Variants in KLF8 observed in about 807,000 individuals in gnomAD.
KLF8 encodes the protein KLF transcription factor 8, also known as Krueppel-like factor 8.
KLF8 carries 10 observed loss-of-function variants against 18.2 expected under a neutral mutation model. The observed-to-expected ratio is 0.55, with a 90% CI of 0.34 to 0.93. The LOEUF is 0.93. Ranked by LOEUF, KLF8 falls within the 40% of genes least tolerant of loss-of-function variation. The probability of loss-of-function intolerance (pLI) is 0.02; values close to 1 mark genes in which losing one functional copy is unlikely to be tolerated. For missense variants in KLF8, 264 were observed against 277.9 expected, an observed-to-expected ratio of 0.95 and a Z score of 0.36; for synonymous variants, 109 against 97.3, an observed-to-expected ratio of 1.12 and a Z score of -0.71.
At chrX:56,157,222 C>A in the KLF8 span, among the ~76,000 whole-genome samples, 1 of 89,741 alleles carries the variant, frequency 1.1e-5, no homozygotes, top group Non-Finnish European at 2.2e-5. Context: ...ACATCACACA[C>A]CGGGGCCTGT....
chrX:56,222,893 G>T, the KLF8 span, among the ~76,000 whole-genome samples: 1 of 112,952 alleles, frequency 8.9e-6, no homozygotes, highest in Non-Finnish European at 1.9e-5. Context: ...TAGCTGGCCC[G>T]CAAGCGCCGT....
At chrX:56,141,808 C>G in the KLF8 span, among the ~76,000 whole-genome samples, 2 of 111,813 alleles carry the variant, frequency 1.8e-5, no homozygotes, top group South Asian at 7.5e-4. Context: ...TCACTACCAC[C>G]TGGTGATGAT....
the KLF8 span, among the ~76,000 whole-genome samples, chrX:56,133,955 C>A: frequency 3.6e-5 from 4 of 110,158 alleles, no homozygotes; most frequent in South Asian, 1.1e-3. Flanking sequence ...ATATACCTAA[C>A]CAAGGAGGTG....
chrX:55,977,218 C>A, the KLF8 span, among the ~76,000 whole-genome samples: 1 of 111,743 alleles, frequency 8.9e-6, no homozygotes, highest in East Asian at 2.8e-4. Flanking sequence ...AAAAAGTCTT[C>A]AGCTTTTCAC....
chrX:56,081,941 G>T, the KLF8 span, among the ~76,000 whole-genome samples: 1 of 111,424 alleles, frequency 9.0e-6, no homozygotes, highest in Non-Finnish European at 1.9e-5. Context: ...ATCTTATTTT[G>T]ATTTGAGGGT....
chrX:56,009,755 GA>G, the KLF8 span, among the ~76,000 whole-genome samples: 1 of 112,295 alleles, frequency 8.9e-6, no homozygotes, highest in Non-Finnish European at 1.9e-5. Context: ...CCAGTTTAGA[GA>G]AGAACATAAA....
chrX:55,999,419 C>T, the KLF8 span, among the ~76,000 whole-genome samples: 5 of 107,348 alleles, frequency 4.7e-5, no homozygotes, highest in East Asian at 8.7e-4. Flanking sequence ...ATGTAGATTG[C>T]TTTGGGCAGT....
chrX:56,160,548 A>T, the KLF8 span, among the ~76,000 whole-genome samples: 1 of 111,296 alleles, frequency 9.0e-6, no homozygotes, highest in Non-Finnish European at 1.9e-5. Context: ...GTTACTAAGG[A>T]CTTGCTTTAT....
At chrX:56,027,683 G>A in the KLF8 span, among the ~76,000 whole-genome samples, 1 of 112,000 alleles carries the variant, frequency 8.9e-6, no homozygotes, top group African/African-American at 3.3e-5. Flanking sequence ...AGCTGCTCCC[G>A]TCTACGTATA....
the KLF8 span, among the ~76,000 whole-genome samples, chrX:56,157,444 A>G: frequency 9.0e-6 from 1 of 111,246 alleles, no homozygotes; most frequent in African/African-American, 3.3e-5. Context: ...TTCTAGTTCT[A>G]GATCCCTGAG....
At chrX:56,197,315 G>T in the KLF8 span, among the ~76,000 whole-genome samples, 1 of 110,378 alleles carries the variant, frequency 9.1e-6, no homozygotes, top group African/African-American at 3.3e-5. Flanking sequence ...CTGGTTTTTT[G>T]AAAAGATCAA....
chrX:56,132,177 G>A, the KLF8 span, among the ~76,000 whole-genome samples: 2 of 111,453 alleles, frequency 1.8e-5, no homozygotes, highest in Non-Finnish European at 3.8e-5. Context: ...AGCAACCATA[G>A]AATATTCATT....
chrX:55,918,227 A>G, the KLF8 span, among the ~76,000 whole-genome samples: 1 of 111,945 alleles, frequency 8.9e-6, no homozygotes, highest in African/African-American at 3.2e-5. Context: ...TGCCTAGAAC[A>G]TAGAAGGAAC....
the KLF8 span, among the ~76,000 whole-genome samples, chrX:56,056,848 A>G: frequency 0.029 from 3,126 of 108,815 alleles, 52 homozygotes; most frequent in Non-Finnish European, 0.044. Context: ...AAAAAAAAAA[A>G]AAAAAGAAAT....
At chrX:55,911,488 T>G in the KLF8 span, among the ~76,000 whole-genome samples, 1 of 112,533 alleles carries the variant, frequency 8.9e-6, no homozygotes, top group Non-Finnish European at 1.9e-5. Context: ...GTGAAAATTA[T>G]TTGCTTGGAA....
At chrX:56,153,573 G>A in the KLF8 span, among the ~76,000 whole-genome samples, 1 of 111,049 alleles carries the variant, frequency 9.0e-6, no homozygotes, top group Non-Finnish European at 1.9e-5. Flanking sequence ...CCTGTCTCGT[G>A]CCAGTTTTCA....
the KLF8 span, among the ~76,000 whole-genome samples, chrX:56,088,230 C>A: frequency 9.0e-6 from 1 of 111,477 alleles, no homozygotes; most frequent in Non-Finnish European, 1.9e-5. Context: ...AATAAAAACC[C>A]ACCTTGAATC....
chrX:56,102,780 C>T, the KLF8 span, among the ~76,000 whole-genome samples: 8 of 109,968 alleles, frequency 7.3e-5, no homozygotes, highest in African/African-American at 2.6e-4. Context: ...ACTTTAAGTT[C>T]TAAGGTACAT....
At chrX:56,033,549 G>T in the KLF8 span, among the ~76,000 whole-genome samples, 1 of 111,564 alleles carries the variant, frequency 9.0e-6, no homozygotes, top group Admixed American at 9.5e-5. Context: ...GGGATTTCTG[G>T]ATCATATGGT....
Sources: allele counts gnomAD v4.1 joint callset (sites outside exome capture counted in the v4.1 genomes callset), GRCh38; gene constraint gnomAD v4.1.1; transcripts MANE v1.5; gene names NCBI Gene and HGNC (gene_info 2026-07-23, HGNC 2026-07-21).